Variants in SNX31 observed in about 807,000 individuals in gnomAD.
SNX31 encodes the protein sorting nexin 31.
Under a neutral mutation model 65.4 loss-of-function variants are expected in SNX31, and 58 were observed. That is an observed-to-expected ratio of 0.89 (90% CI 0.72 to 1.10). The LOEUF (loss-of-function observed/expected upper bound fraction) is 1.10, where lower values mean the gene tolerates loss of function less well. Among genes scored for constraint, SNX31 ranks in the 50% least tolerant of loss-of-function variants. SNX31 has a pLI of 0.00. For synonymous variants in SNX31, 181 were observed against 190.1 expected (o/e 0.95, Z 0.39); for missense variants, 523 against 529.7 (o/e 0.99, Z 0.12).
intron 3 of SNX31, among the ~76,000 whole-genome samples, chr8:100,631,418 T>A (rs6985960): frequency 3.1e-4 from 46 of 150,326 alleles, no homozygotes; most frequent in African/African-American, 1.0e-3. Context: ...TTCTTCCTTC[T>A]GTTTTCATTG....
At chr8:100,589,312 A>AG (rs1814361149) in intron 10 of SNX31, among the ~76,000 whole-genome samples, 1 of 152,020 alleles carries the variant, frequency 6.6e-6, no homozygotes, top group African/African-American at 2.4e-5. Flanking sequence ...AAAAAAAAAA[A>AG]AAAAAAGCCC....
chr8:100,606,476 G>A (rs2130983238), intron 8 of SNX31, among the ~76,000 whole-genome samples: 1 of 152,198 alleles, frequency 6.6e-6, no homozygotes, highest in South Asian at 2.1e-4. Flanking sequence ...AGAGCTTTAG[G>A]GTCTTGATCT....
In SNX31 at chr8:100,573,018, C is replaced by A. The variant is rs564371575; in HGVS notation, c.*847G>T. 27 of 152,414 alleles carry A rather than the reference C, an allele frequency of 1.8e-4. 1 individual carries two copies. The highest frequency in any genetic ancestry group is 1.2e-3 in the Admixed American group (19 of 15,244). The allele number at this position is 152,414 out of a possible 1,614,324, so 9.4% of individuals were successfully genotyped here. A position where few individuals can be genotyped will look rare whatever the true frequency, so the allele number is the denominator to read the frequency against. ...CATCTCCCTTATTGTGGTCTTAATT[C>A]TATACATAATTACATTAATTACCAT... On this transcript the variant is annotated 3_prime_UTR_variant, in exon 14 of 14. Transcript: ENST00000311812.
intron 10 of SNX31, among the ~76,000 whole-genome samples, chr8:100,595,598 A>G (rs1428967030): frequency 6.6e-6 from 1 of 152,198 alleles, no homozygotes; most frequent in Non-Finnish European, 1.5e-5. Flanking sequence ...GTGTAGGGTC[A>G]GAGAAAGAGA....
chr8:100,645,898 A>C (rs760221102), intron 2 of SNX31, among the ~76,000 whole-genome samples: 2 of 152,138 alleles, frequency 1.3e-5, no homozygotes, highest in African/African-American at 2.4e-5. Flanking sequence ...GGTGTGAATC[A>C]CCATGCCCGG....
In SNX31 at chr8:100,613,224, T is replaced by C. The variant is rs1267977703; in HGVS notation, c.433-139A>G. On this transcript the variant is annotated intron_variant, in intron 5 of 13. Coordinates refer to ENST00000311812, the MANE Select transcript of SNX31 (RefSeq NM_152628.4). The surrounding 1 kb of genome is among the most constrained non-coding windows in gnomAD (Gnocchi z 5.2). ...GGGTTAGTGAACACTCAAAGAAAGC[T>C]TTTTGGAATCAAAAAATGGTATCCA... 9.5e-6 allele frequency: 6 copies of C among 629,454 alleles called. No individual in the cohort carries two copies. Among genetic ancestry groups the C allele is most frequent in the Non-Finnish European group, 1.7e-5 (6 of 359,710 alleles). 39.0% of individuals were successfully genotyped at this position (629,454 alleles called of 1,614,324 possible). A position where few individuals can be genotyped will look rare whatever the true frequency, so the allele number is the denominator to read the frequency against.
chr8:100,608,497 C>A lies in SNX31; in HGVS notation c.678G>T (p.Met226Ile). The A allele has an allele frequency of 6.2e-7, 1 of 1,614,028 alleles. No individual in the cohort carries two copies. The highest frequency in any genetic ancestry group is 1.7e-5 in the Admixed American group (1 of 60,010). The change falls in exon 8 of 14, where the codon ATG becomes ATT. Residue 226 changes from methionine (M) to isoleucine (I), a missense_variant. By Grantham distance (10) the Met-to-Ile change is conservative (BLOSUM62 1). Coordinates refer to ENST00000311812, the MANE Select transcript of SNX31 (RefSeq NM_152628.4). ...DCRVAVDLLY[M>I]QAIQDIEKGW... is the part of the protein sequence containing the mutation. The stretch of plus-strand genomic sequence containing the variant: ...CTGAGCTCTTGGTGACCCTCACCTG[C>A]ATGTAGAGCAAATCTACCGCCACCC...
At chr8:100,587,723 T>C (rs1214031552) in intron 11 of SNX31, among the ~76,000 whole-genome samples, 1 of 152,232 alleles carries the variant, frequency 6.6e-6, no homozygotes, top group African/African-American at 2.4e-5. Context: ...ATGCACAAAT[T>C]TATTTAAAAT....
chr8:100,651,693 G>A (rs1042163651), upstream of SNX31, among the ~76,000 whole-genome samples: 1 of 152,218 alleles, frequency 6.6e-6, no homozygotes, highest in Non-Finnish European at 1.5e-5. Flanking sequence ...GTATAATAAT[G>A]GTAGCAGCGA....
intron 2 of SNX31, among the ~76,000 whole-genome samples, chr8:100,639,812 G>A (rs1354842309): frequency 1.3e-5 from 2 of 152,142 alleles, no homozygotes; most frequent in Non-Finnish European, 2.9e-5. Flanking sequence ...AGGATCTATG[G>A]AGAAATGGCT....
At chr8:100,591,506 A>G (rs1213408813) in intron 10 of SNX31, among the ~76,000 whole-genome samples, 29 of 151,040 alleles carry the variant, frequency 1.9e-4, no homozygotes, top group African/African-American at 5.8e-4. Flanking sequence ...AAAAAAAAAA[A>G]AAGAAGGAAA....
Position 100,649,618 on chromosome 8 carries a change from C to T in SNX31, c.-104G>A. ...GGTGGACGCAGCGCGGCCTGCCACG[C>T]GACTCAGAGCGAACCCCGGCGCCCG... On this transcript the variant is annotated 5_prime_UTR_variant, in exon 1 of 14. Transcript: ENST00000311812. The T allele has an allele frequency of 8.8e-7, 1 of 1,137,730 alleles. No individual in the cohort carries two copies. Among genetic ancestry groups the T allele is most frequent in the South Asian group, 1.6e-5 (1 of 63,596 alleles). The allele number at this position is 1,137,730 out of a possible 1,614,324, so 70.5% of individuals were successfully genotyped here.
Position 100,612,078 on chromosome 8 carries a change from T to C in SNX31, c.533A>G (p.Lys178Arg), listed in dbSNP as rs909194903. The C allele has an allele frequency of 1.1e-5, 18 of 1,613,790 alleles. No homozygotes were observed. The highest frequency in any genetic ancestry group is 1.1e-4 in the East Asian group (5 of 44,882). ...GKEGKLSVVKKLADFELPYVS... is the reference protein window; with the variant it reads ...GKEGKLSVVKRLADFELPYVS... ...ATAAGGGAGTTCAAAGTCAGCCAAT[T>C]TTTTCACAACTAGAGAAAGGAGAAA... The change falls in exon 7 of 14, where the codon AAA becomes AGA. Residue 178 changes from lysine (K) to arginine (R), a missense_variant. By Grantham distance (26) the Lys-to-Arg change is conservative. Transcript: ENST00000311812. This position sits in a 1 kb window ranked among gnomAD's most constrained non-coding sequence, Gnocchi z 4.3.
At chr8:100,647,735 T>C (rs1355533516) in intron 2 of SNX31, among the ~76,000 whole-genome samples, 2 of 152,148 alleles carry the variant, frequency 1.3e-5, no homozygotes, top group Admixed American at 6.5e-5. Flanking sequence ...ACAGGCTCTC[T>C]TGCTGCCTCC....
intron 2 of SNX31, among the ~76,000 whole-genome samples, chr8:100,645,672 C>T (rs1209029796): frequency 4.3e-5 from 6 of 140,696 alleles, no homozygotes; most frequent in East Asian, 4.1e-4. Context: ...AGTGCAGTGG[C>T]GCAATCTGAG....
chr8:100,575,926 A>G lies in SNX31; in HGVS notation c.1227+1093T>C, dbSNP rs554656081. On this transcript the variant is annotated intron_variant, in intron 13 of 13. Transcript: ENST00000311812. The surrounding 1 kb of genome is among the most constrained non-coding windows in gnomAD (Gnocchi z 5.1). ...ATGTGCAGCCAAAGTTGAGAACCAC[A>G]GCTCCATGCTGTCGGCATGCTGCTA... 1.5e-4 allele frequency among the ~76,000 whole-genome samples: 22 copies of G among 148,828 alleles called. No individual in the cohort carries two copies. Among genetic ancestry groups the G allele is most frequent in the Non-Finnish European group, 3.2e-4 (21 of 66,582 alleles).
chr8:100,585,970 G>A lies in SNX31; in HGVS notation c.1093-1782C>T, dbSNP rs35060270. Among the ~76,000 whole-genome samples the A allele has an allele frequency of 8.3e-3, 1,269 of 152,280 alleles. 29 individuals carry two copies. Among genetic ancestry groups the A allele is most frequent in the African/African-American group, 0.03 (1,226 of 41,546 alleles). On this transcript the variant is annotated intron_variant, in intron 11 of 13. Transcript: ENST00000311812. Reference sequence around the variant, plus strand: ...GAGTCTTGCTCTGTCGCCCAGGCTGGAGCACAGTGGTGTAATCTTGGCTCA... The same window carrying A: ...GAGTCTTGCTCTGTCGCCCAGGCTGAAGCACAGTGGTGTAATCTTGGCTCA...
rs1442838117 is a variant in SNX31, at chr8:100,581,323, ATCTATC to A, written c.1170+2782_1170+2787del. Among the ~76,000 whole-genome samples, 657 of 125,124 alleles carry A rather than the reference ATCTATC, an allele frequency of 5.3e-3. 19 individuals carry two copies. The highest frequency in any genetic ancestry group is 0.026 in the African/African-American group (634 of 24,718). 82.1% of individuals were successfully genotyped at this position (125,124 alleles called of 152,430 possible). On this transcript the variant is annotated intron_variant, in intron 12 of 13. Transcript: ENST00000311812. ...TTAAAAAAATTTTTTATATATCTAT[ATCTATC>A]TATCTATCTATATATATATATATAT...
chr8:100,651,155 C>T (rs1819961818), upstream of SNX31, among the ~76,000 whole-genome samples: 1 of 152,204 alleles, frequency 6.6e-6, no homozygotes, highest in Non-Finnish European at 1.5e-5. Context: ...ACTCTTTAAG[C>T]TGCAGTTCCT....
Sources: allele counts gnomAD v4.1 joint callset (sites outside exome capture counted in the v4.1 genomes callset), GRCh38; gene constraint gnomAD v4.1.1; non-coding constraint Gnocchi (gnomAD v3.1); transcripts MANE v1.5; gene names NCBI Gene and HGNC (gene_info 2026-07-23, HGNC 2026-07-21).